Variants in CCDC171 observed in about 807,000 individuals in gnomAD.
The protein encoded by CCDC171 is coiled-coil domain containing 171.
In CCDC171, 177 loss-of-function variants were observed where a neutral mutation model predicts 168.2. That is an observed-to-expected ratio of 1.05 (90% CI 0.93 to 1.19). CCDC171 has a LOEUF of 1.19. Ranked by LOEUF, CCDC171 falls within the 50% of genes most tolerant of loss-of-function variation. The pLI, the probability that CCDC171 is intolerant of heterozygous loss-of-function variation, is 0.00. For missense variants in CCDC171, 1,991 were observed against 1,539.0 expected, an observed-to-expected ratio of 1.29 and a Z score of -4.91; for synonymous variants, 687 against 540.8, an observed-to-expected ratio of 1.27 and a Z score of -3.75.
At chr9:15,881,860 T>G (rs756271181) in intron 24 of CCDC171, among the ~76,000 whole-genome samples, 1 of 152,244 alleles carries the variant, frequency 6.6e-6, no homozygotes, top group Admixed American at 6.5e-5. Context: ...TAACGGCCAC[T>G]TAGGCTGGTT....
At chr9:15,987,540 G>T (rs1359949) in intron 3 of CCDC171, among the ~76,000 whole-genome samples, 67,065 of 151,696 alleles carry the variant, frequency 0.44, 15,130 homozygotes, top group African/African-American at 0.53. Flanking sequence ...CCAGAAAAAT[G>T]AATACAAGAT....
At chr9:15,751,142 G>C (rs896298473) in intron 18 of CCDC171, among the ~76,000 whole-genome samples, 4 of 152,174 alleles carry the variant, frequency 2.6e-5, no homozygotes, top group African/African-American at 9.7e-5. Flanking sequence ...CAGTCCAACA[G>C]AGAGCCAAAT....
chr9:15,848,998 C>A, intron 23 of CCDC171, 51 bp downstream of exon 23: 1 of 903,660 alleles, frequency 1.1e-6, no homozygotes, highest in Non-Finnish European at 1.7e-6. Context: ...GACACCTAGT[C>A]ATTATTTTTA....
At chr9:15,558,239 A>T (rs1238387925) in intron 1 of CCDC171, among the ~76,000 whole-genome samples, 1 of 152,156 alleles carries the variant, frequency 6.6e-6, no homozygotes, top group African/African-American at 2.4e-5. Flanking sequence ...TATCAGGATG[A>T]TGCTGGCCTC....
intron 6 of CCDC171, among the ~76,000 whole-genome samples, chr9:15,597,140 C>T (rs931593549): frequency 2.0e-5 from 3 of 151,808 alleles, no homozygotes; most frequent in Admixed American, 1.3e-4. Flanking sequence ...CCTTTATTTC[C>T]TTCTCCTGCC....
At chr9:15,648,783 G>T (rs1389495322) in intron 7 of CCDC171, among the ~76,000 whole-genome samples, 1 of 152,096 alleles carries the variant, frequency 6.6e-6, no homozygotes, top group Admixed American at 6.6e-5. Context: ...CCATGCTCAT[G>T]GATAGGAAGA....
intron 25 of CCDC171, among the ~76,000 whole-genome samples, chr9:15,940,197 T>G (rs577627557): frequency 6.6e-6 from 1 of 151,942 alleles, no homozygotes; most frequent in African/African-American, 2.4e-5. Context: ...AAATACATGT[T>G]TTACAGTCTA....
In CCDC171 at chr9:15,784,797, A is replaced by G. The variant is rs377040640; in HGVS notation, c.3267+103A>G. On this transcript the variant is annotated intron_variant, in intron 21 of 25. Transcript: ENST00000380701. ...TGAATAGGAATAGATCCCAAGATGT[A>G]AAATTTTATTCTATGAGGATAGAAT... The G allele has an allele frequency of 2.3e-5, 19 of 842,048 alleles. No homozygotes were observed. The East Asian group carries it at 4.4e-4, about 19-fold the overall frequency. The allele number at this position is 842,048 out of a possible 1,614,324, so 52.2% of individuals were successfully genotyped here. A position where few individuals can be genotyped will look rare whatever the true frequency, so the allele number is the denominator to read the frequency against.
At chr9:16,059,370 C>T (rs1447280834) in intron 1 of CCDC171, among the ~76,000 whole-genome samples, 1 of 152,098 alleles carries the variant, frequency 6.6e-6, no homozygotes, top group Admixed American at 6.6e-5. Flanking sequence ...AGAGGCATCC[C>T]CGGGTGAGAA....
chr9:15,647,764 C>T (rs575117981), intron 7 of CCDC171, among the ~76,000 whole-genome samples: 26 of 152,214 alleles, frequency 1.7e-4, no homozygotes, highest in African/African-American at 5.3e-4. Flanking sequence ...AATAGCCTAA[C>T]CAACCAAAAA....
chr9:15,798,328 T>G (rs2058658839), intron 21 of CCDC171, among the ~76,000 whole-genome samples: 1 of 152,174 alleles, frequency 6.6e-6, no homozygotes, highest in Admixed American at 6.5e-5. Flanking sequence ...TAGGAGTTTA[T>G]TAATTTTGTT....
chr9:15,972,420 T>C lies in CCDC171; in HGVS notation c.*584T>C, dbSNP rs1288829988. 2.0e-5 allele frequency: 3 copies of C among 152,606 alleles called. No individual in the cohort carries two copies. Among genetic ancestry groups the C allele is most frequent in the Non-Finnish European group, 4.4e-5 (3 of 68,380 alleles). 9.5% of individuals were successfully genotyped at this position (152,606 alleles called of 1,614,324 possible). On this transcript the variant is annotated 3_prime_UTR_variant, in exon 26 of 26. Transcript: ENST00000380701. ...TCCTGGTCAATGTGAGAAGGTCAGG[T>C]TGCTCCTTGTAAAGCTACATGATAC...
At chr9:16,068,316 A>G in the CCDC171 span, among the ~76,000 whole-genome samples, 1 of 152,152 alleles carries the variant, frequency 6.6e-6, no homozygotes, top group African/African-American at 2.4e-5. Flanking sequence ...GAGGATACAA[A>G]CAAATGGAAG....
downstream of CCDC171, among the ~76,000 whole-genome samples, chr9:16,063,412 G>A (rs919092800): frequency 5.9e-5 from 9 of 152,160 alleles, no homozygotes; most frequent in South Asian, 2.1e-4. Context: ...CCCTCAAGAC[G>A]TGTTGAGTTT....
intron 24 of CCDC171, among the ~76,000 whole-genome samples, chr9:15,915,290 C>G (rs1292632593): frequency 1.3e-5 from 2 of 151,974 alleles, no homozygotes; most frequent in Non-Finnish European, 2.9e-5. Context: ...TTTGTGTTAT[C>G]TACAATTTCT....
chr9:15,927,147 G>A (rs987696737), intron 25 of CCDC171, among the ~76,000 whole-genome samples: 2 of 151,536 alleles, frequency 1.3e-5, no homozygotes, highest in Admixed American at 6.6e-5. Context: ...AACATTTTCA[G>A]TTTTTTTAGC....
intron 6 of CCDC171, among the ~76,000 whole-genome samples, chr9:15,615,529 A>C (rs1331132191): frequency 6.6e-6 from 1 of 152,204 alleles, no homozygotes; most frequent in Non-Finnish European, 1.5e-5. Context: ...TCTTAAATAA[A>C]AGCCATTTGG....
At chr9:15,746,731 C>T (rs2055312728) in intron 18 of CCDC171, among the ~76,000 whole-genome samples, 1 of 152,184 alleles carries the variant, frequency 6.6e-6, no homozygotes, top group Admixed American at 6.5e-5. Flanking sequence ...GTACCTTGTT[C>T]ATCTCACTGA....
intron 21 of CCDC171, among the ~76,000 whole-genome samples, chr9:15,807,326 C>G (rs1390565046): frequency 1.3e-5 from 2 of 152,222 alleles, no homozygotes; most frequent in Admixed American, 6.5e-5. Flanking sequence ...TGCATTGGCT[C>G]TTGCCATGAC....
Sources: gnomAD v4.1 joint callset for allele counts (sites outside exome capture counted in the v4.1 genomes callset) on GRCh38, gnomAD v4.1.1 for gene constraint, MANE v1.5 for transcripts, NCBI Gene and HGNC (gene_info 2026-07-23, HGNC 2026-07-21) for gene names.